The following LIN7B variants were observed in gnomAD, a reference collection of about 807,000 sequenced individuals.
The protein encoded by LIN7B is protein lin-7 homolog B.
LIN7B carries 16 observed loss-of-function variants against 27.9 expected under a neutral mutation model. The observed-to-expected ratio is 0.57, with a 90% CI of 0.39 to 0.87. The LOEUF (loss-of-function observed/expected upper bound fraction) is 0.87. Among genes scored for constraint, LIN7B ranks in the 40% least tolerant of loss-of-function variants. The probability of loss-of-function intolerance (pLI) is 0.00; values close to 1 mark genes in which losing one functional copy is unlikely to be tolerated. For missense variants in LIN7B, 291 were observed against 288.5 expected, an observed-to-expected ratio of 1.01 and a Z score of -0.06; for synonymous variants, 147 against 120.8, an observed-to-expected ratio of 1.22 and a Z score of -1.42.
In LIN7B at chr19:49,114,371, G is replaced by A. The variant is rs533055590; in HGVS notation, c.-34G>A. On this transcript the variant is annotated 5_prime_UTR_variant, in exon 1 of 6. Transcript: ENST00000221459. Reference sequence around the variant, plus strand: ...AGCCCCGCCCTCCTCGCCGGCGCCAGGGCAGGCGGGCGGCTGGCAGCTGTG... The same window carrying A: ...AGCCCCGCCCTCCTCGCCGGCGCCAAGGCAGGCGGGCGGCTGGCAGCTGTG... 5.1e-6 allele frequency: 6 copies of A among 1,187,550 alleles called. No homozygotes were observed. Among genetic ancestry groups the A allele is most frequent in the East Asian group, 7.3e-5 (2 of 27,376 alleles). 73.6% of individuals were successfully genotyped at this position (1,187,550 alleles called of 1,614,324 possible).
chr19:49,117,931 GTTACACACCGCGAGTGC>G lies in LIN7B; in HGVS notation c.517_533del (p.Tyr173GlyfsTer54). Reference sequence around the variant, plus strand: ...CAGGGCTCGGTGAAGCTGGTTGTCCGTTACACACCGCGAGTGCTGGAGGAGATGGAGGCCCGGTTCGA... The same window carrying G: ...CAGGGCTCGGTGAAGCTGGTTGTCCGTGGAGGAGATGGAGGCCCGGTTCGA... On this transcript the variant is annotated frameshift_variant, in exon 5 of 6. Coordinates refer to ENST00000221459, the MANE Select transcript of LIN7B (RefSeq NM_022165.3). LOFTEE classifies it high-confidence loss of function. The G allele has an allele frequency of 6.2e-7, 1 of 1,614,120 alleles. No individual in the cohort carries two copies.
intron 1 of LIN7B, 40 bp from the exon 2 acceptor site, chr19:49,114,809 C>CT (rs756340045): frequency 1.3e-4 from 166 of 1,248,622 alleles, no homozygotes; most frequent in Non-Finnish European, 1.6e-4. Flanking sequence ...CTCGGGGTCT[C>CT]TGACACTCGG....
chr19:49,117,237 C>T (rs1181985190), intron 4 of LIN7B, among the ~76,000 whole-genome samples: 1 of 126,488 alleles, frequency 7.9e-6, no homozygotes, highest in Non-Finnish European at 1.6e-5. Flanking sequence ...CAGAGTGAGA[C>T]TCCCTCTCAA....
chr19:49,117,106 TGTG>T (rs1466258711), intron 4 of LIN7B, among the ~76,000 whole-genome samples: 1 of 151,782 alleles, frequency 6.6e-6, no homozygotes, highest in African/African-American at 2.4e-5. Flanking sequence ...ATTAGCCAGG[TGTG>T]GTGGCAGGCA....
chr19:49,118,166 C>T (rs4801794), intron 5 of LIN7B, 148 bp downstream of exon 5: 403,122 of 1,402,114 alleles, frequency 0.29, 60,867 homozygotes, highest in South Asian at 0.34. Flanking sequence ...GGCTCTCACC[C>T]CAGGCTAGTT....
intron 5 of LIN7B, 82 bp downstream of exon 5, chr19:49,118,100 T>G: frequency 1.3e-6 from 2 of 1,567,764 alleles, no homozygotes; most frequent in Non-Finnish European, 1.7e-6. Context: ...CAGTGCTTCC[T>G]GGATCTTCCA....
At chr19:49,117,258 A>C (rs987918267) in intron 4 of LIN7B, among the ~76,000 whole-genome samples, 2 of 146,196 alleles carry the variant, frequency 1.4e-5, no homozygotes, top group Non-Finnish European at 3.0e-5. Flanking sequence ...AAAAAAAAAA[A>C]AAAAACAAAA....
chr19:49,115,106 A>T, intron 2 of LIN7B, 139 bp downstream of exon 2: 1 of 897,616 alleles, frequency 1.1e-6, no homozygotes, highest in South Asian at 1.9e-5. Flanking sequence ...GCTTCAGCTC[A>T]GGGGTTCTTC....
Position 49,114,836 on chromosome 19 carries a change from C to T in LIN7B, c.38-13C>T. 2.1e-6 allele frequency: 3 copies of T among 1,412,124 alleles called. No homozygotes were observed. The highest frequency in any genetic ancestry group is 2.8e-6 in the Non-Finnish European group (3 of 1,079,392). The allele number at this position is 1,412,124 out of a possible 1,614,324, so 87.5% of individuals were successfully genotyped here. On this transcript the variant is annotated splice_polypyrimidine_tract_variant and intron_variant, in intron 1 of 5. Transcript: ENST00000221459. ...GACACTCGGGGTTTCTGCGCCCCGCCCCCGCCCCGCAGACGTGTCCCGGGC... is the reference window on the plus strand; with the variant it reads ...GACACTCGGGGTTTCTGCGCCCCGCTCCCGCCCCGCAGACGTGTCCCGGGC...
Position 49,114,404 on chromosome 19 carries a change from C to G in LIN7B, c.-1C>G. 1 of 1,201,752 alleles carries G rather than the reference C, an allele frequency of 8.3e-7. No homozygotes were observed. 74.4% of individuals were successfully genotyped at this position (1,201,752 alleles called of 1,614,324 possible). Reference sequence around the variant, plus strand: ...GGGCGGCTGGCAGCTGTGGCGCCGACATGGCTGCGCTGGTGGAGCCGCTGG... The same window carrying G: ...GGGCGGCTGGCAGCTGTGGCGCCGAGATGGCTGCGCTGGTGGAGCCGCTGG... On this transcript the variant is annotated 5_prime_UTR_variant, in exon 1 of 6. Transcript: ENST00000221459.
chr19:49,115,127 GT>G (rs1223804422), intron 2 of LIN7B, 132 bp from the exon 3 acceptor site: 1 of 961,722 alleles, frequency 1.0e-6, no homozygotes, highest in African/African-American at 1.7e-5. Flanking sequence ...GGGAGTTGTA[GT>G]TTTCTCGGCC....
chr19:49,114,552 G>GGGGGTGGGCGGGGCGGGCGCC (rs1194752766), intron 1 of LIN7B, 111 bp downstream of exon 1: 1 of 856,130 alleles, frequency 1.2e-6, no homozygotes, highest in African/African-American at 1.8e-5. Context: ...CGGACCCGGA[G>GGGGGTGGGCGGGGCGGGCGCC]GGGGTGGGCG....
At chr19:49,117,577 G>A (rs979340310) in intron 4 of LIN7B, among the ~76,000 whole-genome samples, 8 of 152,122 alleles carry the variant, frequency 5.3e-5, no homozygotes, top group Admixed American at 6.6e-5. Context: ...GAGTCAAGGC[G>A]GGCGGACATT....
intron 4 of LIN7B, 78 bp from the exon 5 acceptor site, chr19:49,117,777 C>A (rs2040854067): frequency 7.7e-7 from 1 of 1,294,010 alleles, no homozygotes; most frequent in Non-Finnish European, 1.1e-6. Flanking sequence ...GGCTCACTAG[C>A]AGTGGGTCCC....
In LIN7B at chr19:49,117,996, C is replaced by G. The variant is rs1432477791; in HGVS notation, c.580C>G (p.Arg194Gly). 6.2e-7 allele frequency: 1 copy of G among 1,614,000 alleles called. No homozygotes were observed. The highest frequency in any genetic ancestry group is 1.3e-5 in the African/African-American group (1 of 75,010). ...RFEKMRSARR[R>G]QQHQSYSSLE... ...CGAGAAGATGCGCTCTGCCCGCCGG[C>G]GCCAACAGCATCAGAGCTACTCGTG... is the stretch of plus-strand genomic sequence containing the variant. Residue 194 changes from arginine to glycine, a missense_variant, in exon 5 of 6, where the codon CGC becomes GGC. Coordinates refer to ENST00000221459, the MANE Select transcript of LIN7B (RefSeq NM_022165.3).
chr19:49,117,864 G>A lies in LIN7B; in HGVS notation c.448G>A (p.Gly150Ser). 1.2e-6 allele frequency: 2 copies of A among 1,613,888 alleles called. No individual in the cohort carries two copies. The highest frequency in any genetic ancestry group is 1.7e-6 in the Non-Finnish European group (2 of 1,179,874). The change falls in exon 5 of 6, where the codon GGT (glycine) becomes AGT (serine). Residue 150 changes from glycine (G) to serine (S), a missense_variant. By Grantham distance (56) the Gly-to-Ser change is moderately conservative. Transcript: ENST00000221459. The stretch of plus-strand genomic sequence containing the variant: ...GTGTTGGGCCCTGCAGAGCGTTGAG[G>A]GTGAGCAGCATGAGAAGGCGGTGGA... ...LLSVNGVSVEGEQHEKAVELL... is the reference protein window; with the variant it reads ...LLSVNGVSVESEQHEKAVELL...
rs1245880066 is a variant in LIN7B, at chr19:49,114,440, G to A, written c.36G>A (p.Arg12=). 1.7e-6 allele frequency: 2 copies of A among 1,208,314 alleles called. No homozygotes were observed. The highest frequency in any genetic ancestry group is 4.4e-5 in the Admixed American group (1 of 22,818). 74.8% of individuals were successfully genotyped at this position (1,208,314 alleles called of 1,614,324 possible). ...AALVEPLGLE[R]DVSRAVELLE... is the part of the protein sequence containing the mutation. The stretch of plus-strand genomic sequence containing the variant: ...TGGTGGAGCCGCTGGGGCTGGAGCG[G>A]GGTAAGCGTGCGCCAGGGGGCCCTG... The change falls in exon 1 of 6, where the codon CGG becomes CGA. Residue 12 remains arginine (R), a splice_region_variant and synonymous_variant. Coordinates refer to ENST00000221459, the MANE Select transcript of LIN7B (RefSeq NM_022165.3).
At chr19:49,115,352 C>T in intron 3 of LIN7B, 21 bp downstream of exon 3, 2 of 1,554,234 alleles carry the variant, frequency 1.3e-6, no homozygotes, top group Non-Finnish European at 1.7e-6. Flanking sequence ...CACCCCATTG[C>T]TCCTGGTGTC....
intron 3 of LIN7B, 120 bp downstream of exon 3, chr19:49,115,451 C>A: frequency 1.2e-6 from 1 of 846,580 alleles, no homozygotes; most frequent in Non-Finnish European, 1.8e-6. Flanking sequence ...CTATGTGCCA[C>A]CTTACTATTA....
Sources: gnomAD v4.1 joint callset for allele counts (sites outside exome capture counted in the v4.1 genomes callset) on GRCh38, gnomAD v4.1.1 for gene constraint, MANE v1.5 for transcripts, NCBI Gene and HGNC (gene_info 2026-07-23, HGNC 2026-07-21) for gene names.